YBEY: variants seen among roughly 807,000 people sequenced by gnomAD.
YBEY encodes endoribonuclease YbeY.
In YBEY, 15 loss-of-function variants were observed where a neutral mutation model predicts 13.5. That is an observed-to-expected ratio of 1.11 (90% CI 0.75 to 1.72). YBEY has a LOEUF of 1.72. Ranked by LOEUF, YBEY falls within the 40% of genes most tolerant of loss-of-function variation. The probability of loss-of-function intolerance (pLI) is 0.00; values close to 1 mark genes in which losing one functional copy is unlikely to be tolerated. For missense variants in YBEY, 244 were observed against 208.4 expected, an observed-to-expected ratio of 1.17 and a Z score of -1.05; for synonymous variants, 101 against 83.1, an observed-to-expected ratio of 1.21 and a Z score of -1.17.
downstream of YBEY, among the ~76,000 whole-genome samples, chr21:46,298,293 A>G (rs1390873910): frequency 2.6e-5 from 4 of 152,168 alleles, no homozygotes; most frequent in East Asian, 7.7e-4. Context: ...TCCCCTTGGG[A>G]ACACGGGCCA....
chr21:46,309,909 T>G, the YBEY span, among the ~76,000 whole-genome samples: 1 of 151,650 alleles, frequency 6.6e-6, no homozygotes, highest in Non-Finnish European at 1.5e-5. Context: ...AGGCAGAGAA[T>G]TGCTTAAACC....
chr21:46,298,433 G>GTTTTTTTTTTTTTTTTTTTT (rs1569107101), downstream of YBEY, among the ~76,000 whole-genome samples: 44 of 67,226 alleles, frequency 6.5e-4, 1 homozygote, highest in Non-Finnish European at 1.1e-3. Context: ...TTTAATCCAA[G>GTTTTTTTTTTTTTTTTTTTT]CTTTTTTTTT....
the YBEY span, among the ~76,000 whole-genome samples, chr21:46,308,595 A>G: frequency 1.3e-5 from 2 of 152,208 alleles, no homozygotes; most frequent in African/African-American, 4.8e-5. Context: ...ATAAGCGAAA[A>G]CAAGAAGCAA....
At position 46,297,739 on chromosome 21, in the gene YBEY, C is replaced by CG. The variant is rs2082000715; in HGVS notation, c.*105_*106insG. On this transcript the variant is annotated 3_prime_UTR_variant, in exon 5 of 5. Coordinates refer to ENST00000397701, the MANE Select transcript of YBEY (RefSeq NM_001314025.2). ...AATGAACGTACGAGGGGAACCTCCT[C>CG]TTATTTCCTTCACGTTGCATCGGGT... The CG allele has an allele frequency of 8.0e-7, 1 of 1,248,664 alleles. No homozygotes were observed. The highest frequency in any genetic ancestry group is 1.6e-5 in the African/African-American group (1 of 64,496). The allele number at this position is 1,248,664 out of a possible 1,614,324, so 77.3% of individuals were successfully genotyped here.
chr21:46,307,310 C>T, the YBEY span, among the ~76,000 whole-genome samples: 9 of 152,282 alleles, frequency 5.9e-5, no homozygotes, highest in South Asian at 1.2e-3. Context: ...CTGTGCTGGC[C>T]GTTAACCACT....
intron 1 of YBEY, 163 bp from the exon 2 acceptor site, chr21:46,286,707 C>T: frequency 1.9e-6 from 1 of 540,300 alleles, no homozygotes; most frequent in Non-Finnish European, 3.2e-6. Context: ...GGCATCCTTC[C>T]ATAGACCCTC....
At chr21:46,291,524 C>G (rs1181132462) in intron 3 of YBEY, 62 bp downstream of exon 3, 1 of 1,601,392 alleles carries the variant, frequency 6.2e-7, no homozygotes, top group Non-Finnish European at 8.5e-7. Flanking sequence ...GCAAAGGGGT[C>G]AAGATCACAA....
intron 4 of YBEY, 33 bp from the exon 5 acceptor site, chr21:46,297,506 C>T: frequency 1.5e-6 from 2 of 1,354,112 alleles, no homozygotes; most frequent in Non-Finnish European, 9.6e-7. Flanking sequence ...GACACCTTCC[C>T]TGGGGAGGGC....
intron 3 of YBEY, 49 bp downstream of exon 3, chr21:46,291,511 C>T (rs2081710879): frequency 6.2e-7 from 1 of 1,606,410 alleles, no homozygotes; most frequent in Non-Finnish European, 8.5e-7. Flanking sequence ...GAACATGGGC[C>T]TTGCAAAGGG....
chr21:46,286,680 T>A (rs1400882416), intron 1 of YBEY, 190 bp from the exon 2 acceptor site: 1 of 324,630 alleles, frequency 3.1e-6, no homozygotes, highest in Non-Finnish European at 5.6e-6. Context: ...CCTGGAGTCC[T>A]TCTGGCCGGA....
At chr21:46,290,976 C>T (rs919940562) in intron 2 of YBEY, among the ~76,000 whole-genome samples, 6 of 144,222 alleles carry the variant, frequency 4.2e-5, no homozygotes, top group South Asian at 2.2e-4. Context: ...ACCCAGGAGG[C>T]GGACACTCCA....
At chr21:46,295,375 CTCCCTCT>C (rs1354661165) in intron 3 of YBEY, among the ~76,000 whole-genome samples, 2 of 151,974 alleles carry the variant, frequency 1.3e-5, no homozygotes, top group African/African-American at 2.4e-5. Flanking sequence ...CCTCCCAGAC[CTCCCTCT>C]TCCCTCCACC....
At chr21:46,297,894 T>C (rs530381878), downstream of YBEY, 3 of 757,930 alleles carry the variant, frequency 4.0e-6, no homozygotes, top group African/African-American at 1.8e-5. Flanking sequence ...AGGGGGTCCC[T>C]GCCCGGAGCC....
the YBEY span, among the ~76,000 whole-genome samples, chr21:46,304,020 G>GTTTTT: frequency 9.0e-5 from 4 of 44,566 alleles, no homozygotes; most frequent in East Asian, 5.7e-4. Context: ...CAAAGTGCTG[G>GTTTTT]TTTTTTTTTT....
At chr21:46,297,328 T>G (rs1237919992) in intron 4 of YBEY, among the ~76,000 whole-genome samples, 2 of 147,052 alleles carry the variant, frequency 1.4e-5, no homozygotes, top group East Asian at 2.1e-4. Flanking sequence ...GCCCCGCTTA[T>G]TCTCCCGGCC....
the YBEY span, among the ~76,000 whole-genome samples, chr21:46,308,773 T>C: frequency 1.3e-5 from 2 of 152,114 alleles, no homozygotes; most frequent in African/African-American, 4.8e-5. Flanking sequence ...ATGAATGGAT[T>C]AATGCATACA....
intron 1 of YBEY, 28 bp from the exon 2 acceptor site, chr21:46,286,842 T>A (rs989479382): frequency 1.4e-6 from 2 of 1,398,256 alleles, no homozygotes; most frequent in South Asian, 2.4e-5. Context: ...CTTGTACTGA[T>A]TGGTCTTCTC....
At chr21:46,302,508 T>C, downstream of YBEY, 1 of 1,612,016 alleles carries the variant, frequency 6.2e-7, no homozygotes, top group Non-Finnish European at 8.5e-7. Flanking sequence ...GGCAGGGCCT[T>C]GAGCATCCAG....
chr21:46,307,188 G>A, the YBEY span, among the ~76,000 whole-genome samples: 39 of 151,718 alleles, frequency 2.6e-4, no homozygotes, highest in South Asian at 2.3e-3. Flanking sequence ...GAGCCGCTGC[G>A]CCCAGCCAAG....
Sources: gnomAD v4.1 joint callset for allele counts (sites outside exome capture counted in the v4.1 genomes callset) on GRCh38, gnomAD v4.1.1 for gene constraint, MANE v1.5 for transcripts, NCBI Gene and HGNC (gene_info 2026-07-23, HGNC 2026-07-21) for gene names.